The following PRKN variants were observed in gnomAD, a reference collection of about 807,000 sequenced individuals.
PRKN encodes parkin RBR E3 ubiquitin protein ligase, also known as E3 ubiquitin-protein ligase parkin.
PRKN carries 56 observed loss-of-function variants against 59.5 expected under a neutral mutation model. The ratio of observed to expected loss-of-function variants is 0.94; its 90% CI spans 0.76 to 1.18. The LOEUF (loss-of-function observed/expected upper bound fraction) is 1.18. PRKN is among the 50% of genes most tolerant of loss of function. PRKN has a pLI of 0.00. For missense variants in PRKN, 657 were observed against 596.4 expected, an observed-to-expected ratio of 1.10 and a Z score of -1.06; for synonymous variants, 250 against 222.1, an observed-to-expected ratio of 1.13 and a Z score of -1.12.
chr6:162,011,408 A>ATTATATATTATAATAT (rs1562458941), intron 5 of PRKN, among the ~76,000 whole-genome samples: 1 of 15,322 alleles, frequency 6.5e-5, no homozygotes, highest in African/African-American at 3.9e-4. Context: ...ATAAATATAT[A>ATTATATATTATAATAT]ATATATTATA....
chr6:162,110,748 G>T (rs1780394909), intron 4 of PRKN, among the ~76,000 whole-genome samples: 1 of 152,152 alleles, frequency 6.6e-6, no homozygotes, highest in African/African-American at 2.4e-5. Context: ...GACTTTATCA[G>T]ATCAGATGCT....
In PRKN at chr6:161,785,921, AG is replaced by A. The variant is rs766712033; in HGVS notation, c.735-14del. 2 of 1,613,926 alleles carry A rather than the reference AG, an allele frequency of 1.2e-6. No homozygotes were observed. Among genetic ancestry groups the A allele is most frequent in the South Asian group, 1.1e-5 (1 of 91,018 alleles). ...CAGGACGGGGCTCCTGCAGAGAGAA[AG>A]GAAGATGTTTCCTCTAGTACCTGTC... On this transcript the variant is annotated splice_polypyrimidine_tract_variant and intron_variant, in intron 6 of 11. Coordinates refer to ENST00000366898, the MANE Select transcript of PRKN (RefSeq NM_004562.3).
intron 11 of PRKN, among the ~76,000 whole-genome samples, chr6:161,358,581 C>T (rs1004021427): frequency 3.3e-5 from 5 of 152,090 alleles, no homozygotes; most frequent in African/African-American, 1.2e-4. Flanking sequence ...CGCCATTGCA[C>T]CCCAGCCTGG....
At position 161,621,646 on chromosome 6, in the gene PRKN, A is replaced by T. The variant is rs185570746; in HGVS notation, c.872-52230T>A. On this transcript the variant is annotated intron_variant, in intron 7 of 11. Coordinates refer to ENST00000366898, the MANE Select transcript of PRKN (RefSeq NM_004562.3). The stretch of plus-strand genomic sequence containing the variant: ...CTCCTCTGGAAACACCCTCACAAAC[A>T]CACCCCAAAATAACACTATACCAGC... 3.1e-3 allele frequency among the ~76,000 whole-genome samples: 466 copies of T among 152,208 alleles called. 2 individuals carry two copies. Among genetic ancestry groups the T allele is most frequent in the Non-Finnish European group, 5.1e-3 (344 of 68,014 alleles).
chr6:161,899,236 T>C (rs1243137545), intron 6 of PRKN, among the ~76,000 whole-genome samples: 1 of 152,232 alleles, frequency 6.6e-6, no homozygotes. Context: ...ATATTTCCCA[T>C]TGTCCAAAAA....
chr6:161,364,863 G>A (rs911390764), intron 10 of PRKN, among the ~76,000 whole-genome samples: 1 of 151,786 alleles, frequency 6.6e-6, no homozygotes, highest in African/African-American at 2.4e-5. Context: ...CCTGGGAGGT[G>A]GAGGTTGCAG....
At chr6:161,874,644 C>CAATATATATAAAATATATAAT (rs1794593537) in intron 6 of PRKN, among the ~76,000 whole-genome samples, 1 of 5,098 alleles carries the variant, frequency 2.0e-4, no homozygotes, top group African/African-American at 4.8e-4. Flanking sequence ...ATATATATTA[C>CAATATATATAAAATATATAAT]ATATAAAATG....
intron 7 of PRKN, among the ~76,000 whole-genome samples, chr6:161,589,767 A>G (rs1781648994): frequency 6.7e-6 from 1 of 149,942 alleles, no homozygotes; most frequent in Admixed American, 6.6e-5. Context: ...TGAATTGAAA[A>G]GGATTAAATT....
intron 6 of PRKN, among the ~76,000 whole-genome samples, chr6:161,958,935 T>C (rs1780281195): frequency 6.6e-6 from 1 of 152,142 alleles, no homozygotes; most frequent in South Asian, 2.1e-4. Flanking sequence ...GGTTAGTTTA[T>C]AATATAGTTA....
intron 3 of PRKN, among the ~76,000 whole-genome samples, chr6:162,251,089 CA>C (rs1220872823): frequency 2.6e-5 from 4 of 152,262 alleles, no homozygotes; most frequent in Non-Finnish European, 4.4e-5. Context: ...ACAAGATACA[CA>C]AGGTTCATCT....
chr6:161,375,683 G>C (rs1323938580), intron 10 of PRKN, among the ~76,000 whole-genome samples: 1 of 152,186 alleles, frequency 6.6e-6, no homozygotes, highest in African/African-American at 2.4e-5. Flanking sequence ...CCGGGCCTTT[G>C]ACGACCTGCC....
chr6:161,987,398 T>C (rs570831079), intron 5 of PRKN, among the ~76,000 whole-genome samples: 1 of 152,304 alleles, frequency 6.6e-6, no homozygotes, highest in African/African-American at 2.4e-5. Flanking sequence ...GCTTTATACA[T>C]ATGATCATCC....
chr6:162,301,242 G>A (rs74482294), intron 2 of PRKN, among the ~76,000 whole-genome samples: 8,813 of 152,120 alleles, frequency 0.058, 337 homozygotes, highest in Middle Eastern at 0.14. Flanking sequence ...AAAGTAGCGC[G>A]TCCATGGAAG....
intron 7 of PRKN, among the ~76,000 whole-genome samples, chr6:161,732,940 T>C (rs1242200212): frequency 6.6e-6 from 1 of 152,188 alleles, no homozygotes; most frequent in Non-Finnish European, 1.5e-5. Context: ...GTTGCCCTCA[T>C]ATTCCCCCTT....
Position 162,117,330 on chromosome 6 carries a change from T to C in PRKN, c.535-63156A>G, listed in dbSNP as rs556343528. Reference sequence around the variant, plus strand: ...GATACCCAAGCAGTCTGACATATGCTTGCAGTCTACTAGGCGTAGGCTTTC... The same window carrying C: ...GATACCCAAGCAGTCTGACATATGCCTGCAGTCTACTAGGCGTAGGCTTTC... On this transcript the variant is annotated intron_variant, in intron 4 of 11. Coordinates refer to ENST00000366898, the MANE Select transcript of PRKN (RefSeq NM_004562.3). 2.3e-3 allele frequency among the ~76,000 whole-genome samples: 351 copies of C among 152,350 alleles called. 2 individuals are homozygous for C. Among genetic ancestry groups the C allele is most frequent in the Non-Finnish European group, 2.9e-3 (199 of 68,028 alleles).
chr6:162,358,831 G>T (rs372088228), intron 2 of PRKN, among the ~76,000 whole-genome samples: 3 of 151,822 alleles, frequency 2.0e-5, no homozygotes, highest in Non-Finnish European at 4.4e-5. Flanking sequence ...AGGCCAAGGC[G>T]GGTGGATCAC....
intron 1 of PRKN, among the ~76,000 whole-genome samples, chr6:162,681,326 G>A (rs2128232788): frequency 6.6e-6 from 1 of 152,300 alleles, no homozygotes; most frequent in Admixed American, 6.5e-5. Flanking sequence ...ACTTAAAGGT[G>A]TGTTGGATGC....
At chr6:162,224,609 T>G (rs78554119) in intron 3 of PRKN, among the ~76,000 whole-genome samples, 12,426 of 152,096 alleles carry the variant, frequency 0.082, 665 homozygotes, top group African/African-American at 0.15. Flanking sequence ...CTTTCCCAGT[T>G]GGAGGAGAGA....
chr6:161,844,286 A>G (rs1475539269), intron 6 of PRKN, among the ~76,000 whole-genome samples: 1 of 152,260 alleles, frequency 6.6e-6, no homozygotes, highest in Non-Finnish European at 1.5e-5. Context: ...AAAAAAAATT[A>G]CAAAGTCGCA....
Sources: gnomAD v4.1 joint callset for allele counts (sites outside exome capture counted in the v4.1 genomes callset) on GRCh38, gnomAD v4.1.1 for gene constraint, MANE v1.5 for transcripts, NCBI Gene and HGNC (gene_info 2026-07-23, HGNC 2026-07-21) for gene names.